Variants in MTUS2 observed in about 807,000 individuals in gnomAD.
The protein encoded by MTUS2 is microtubule-associated tumor suppressor candidate 2.
Under a neutral mutation model 114.1 loss-of-function variants are expected in MTUS2, and 40 were observed. The ratio of observed to expected loss-of-function variants is 0.35; its 90% CI spans 0.27 to 0.46. The LOEUF (loss-of-function observed/expected upper bound fraction) is 0.46. Among genes scored for constraint, MTUS2 ranks in the 20% least tolerant of loss-of-function variants. The probability of loss-of-function intolerance (pLI) is 1.00; values close to 1 mark genes in which losing one functional copy is unlikely to be tolerated. For synonymous variants in MTUS2, 688 were observed against 672.0 expected (o/e 1.02, Z -0.37); for missense variants, 1,679 against 1,705.4 (o/e 0.98, Z 0.27).
At chr13:29,358,705 C>T (rs1408421405) in intron 7 of MTUS2, among the ~76,000 whole-genome samples, 1 of 152,114 alleles carries the variant, frequency 6.6e-6, no homozygotes, top group Non-Finnish European at 1.5e-5. Flanking sequence ...TTGCAGGAGA[C>T]CTCACAATAC....
At chr13:28,990,542 C>T (rs1884788993) in intron 2 of MTUS2, among the ~76,000 whole-genome samples, 1 of 152,002 alleles carries the variant, frequency 6.6e-6, no homozygotes, top group Non-Finnish European at 1.5e-5. Context: ...CAATCTGTGT[C>T]TAGCTAAAGG....
intron 2 of MTUS2, among the ~76,000 whole-genome samples, chr13:28,943,552 G>A (rs1369718872): frequency 6.6e-6 from 1 of 152,188 alleles, no homozygotes; most frequent in African/African-American, 2.4e-5. Flanking sequence ...AACTGTTTCT[G>A]GACATTGTTG....
In MTUS2 at chr13:29,365,510, T is replaced by TTGTGTGTGTGTGTG. The variant is rs56164752; in HGVS notation, c.3117+6043_3117+6056dup. Among the ~76,000 whole-genome samples, 1,137 of 146,896 alleles carry TTGTGTGTGTGTGTG rather than the reference T, an allele frequency of 7.7e-3. 6 individuals carry two copies. Among genetic ancestry groups the TTGTGTGTGTGTGTG allele is most frequent in the East Asian group, 0.017 (86 of 4,926 alleles). On this transcript the variant is annotated intron_variant, in intron 8 of 15. Coordinates refer to ENST00000612955, the MANE Select transcript of MTUS2 (RefSeq NM_001033602.4). The stretch of plus-strand genomic sequence containing the variant: ...CATCAATACGTTTTTTTGTTTGGGT[T>TTGTGTGTGTGTGTG]TGTGTGTGTGTGTGTGTGTAATTAA...
chr13:29,154,742 A>G (rs1428229600), intron 5 of MTUS2, among the ~76,000 whole-genome samples: 1 of 152,234 alleles, frequency 6.6e-6, no homozygotes, highest in Non-Finnish European at 1.5e-5. Flanking sequence ...ATTATTTCAT[A>G]TGGCTAAGCT....
chr13:29,498,624 G>C (rs989870276), intron 14 of MTUS2, 87 bp downstream of exon 14: 1 of 1,567,174 alleles, frequency 6.4e-7, no homozygotes, highest in Non-Finnish European at 8.7e-7. Flanking sequence ...GTTCAGCCAG[G>C]TGTGTCCCTT....
intron 2 of MTUS2, among the ~76,000 whole-genome samples, chr13:28,959,316 T>C (rs642014): frequency 0.79 from 119,385 of 152,040 alleles, 47,972 homozygotes; most frequent in East Asian, 1. Context: ...TCTTCTGAGA[T>C]TGTAATGACC....
chr13:28,821,575 GT>G (rs1873905528), intron 1 of MTUS2, among the ~76,000 whole-genome samples: 2 of 152,124 alleles, frequency 1.3e-5, no homozygotes, highest in Admixed American at 6.5e-5. Context: ...AAATACAAAA[GT>G]AGAAAACATC....
At chr13:28,877,284 C>T (rs1878001559) in intron 2 of MTUS2, among the ~76,000 whole-genome samples, 1 of 149,738 alleles carries the variant, frequency 6.7e-6, no homozygotes, top group Non-Finnish European at 1.5e-5. Flanking sequence ...TGCCACTGCA[C>T]TCCAGCCTGG....
intron 2 of MTUS2, among the ~76,000 whole-genome samples, chr13:29,023,177 G>T (rs745814236): frequency 6.6e-6 from 1 of 152,096 alleles, no homozygotes; most frequent in Non-Finnish European, 1.5e-5. Context: ...AAGAGTATGC[G>T]CAAAGGCCCT....
chr13:29,115,104 A>G (rs1268965106), intron 5 of MTUS2, among the ~76,000 whole-genome samples: 1 of 152,220 alleles, frequency 6.6e-6, no homozygotes. Flanking sequence ...GATTTTTTTT[A>G]TCTGCTGGCA....
intron 3 of MTUS2, among the ~76,000 whole-genome samples, chr13:29,030,737 T>A (rs1205206608): frequency 1.3e-5 from 2 of 152,122 alleles, no homozygotes; most frequent in Non-Finnish European, 2.9e-5. Context: ...GATTTTTTTT[T>A]AAATAAAATG....
At chr13:29,054,658 A>G (rs1888048965) in intron 4 of MTUS2, among the ~76,000 whole-genome samples, 3 of 152,142 alleles carry the variant, frequency 2.0e-5, no homozygotes, top group African/African-American at 7.2e-5. Context: ...GGTAACTTTT[A>G]TGACACCTGA....
chr13:29,337,605 ATT>A (rs200669729), intron 7 of MTUS2, among the ~76,000 whole-genome samples: 27,643 of 144,898 alleles, frequency 0.19, 2,671 homozygotes, highest in Middle Eastern at 0.22. Context: ...TTATTTTTCT[ATT>A]TTTTTTTTTT....
chr13:29,246,334 A>G (rs1896924793), intron 5 of MTUS2, among the ~76,000 whole-genome samples: 1 of 152,158 alleles, frequency 6.6e-6, no homozygotes, highest in Non-Finnish European at 1.5e-5. Context: ...GCAGACCTAG[A>G]CCATTCGGAT....
At chr13:28,960,921 G>A (rs763155632) in intron 2 of MTUS2, among the ~76,000 whole-genome samples, 1 of 151,756 alleles carries the variant, frequency 6.6e-6, no homozygotes, top group Non-Finnish European at 1.5e-5. Flanking sequence ...TGAAAAAAAC[G>A]AAAGTCTCCA....
rs748741845 is a variant in MTUS2, at chr13:29,359,241, GT to G, written c.2906-18del. 1.5e-5 allele frequency: 24 copies of G among 1,572,092 alleles called. No individual in the cohort carries two copies. The highest frequency in any genetic ancestry group is 1.0e-5 in the Non-Finnish European group (12 of 1,157,852). On this transcript the variant is annotated intron_variant, in intron 7 of 15. Coordinates refer to ENST00000612955, the MANE Select transcript of MTUS2 (RefSeq NM_001033602.4). ...GAGTGTTTTTTCACAGGTGACCGGG[GT>G]TTGGTTTTCTTTCTCACAGGATACC...
At chr13:29,256,101 A>C (rs1163105170) in intron 5 of MTUS2, among the ~76,000 whole-genome samples, 1 of 152,238 alleles carries the variant, frequency 6.6e-6, no homozygotes, top group African/African-American at 2.4e-5. Context: ...GCGGTATGAC[A>C]GTGGCGTCAT....
intron 5 of MTUS2, among the ~76,000 whole-genome samples, chr13:29,223,654 C>T (rs1895994845): frequency 3.9e-5 from 6 of 152,224 alleles, no homozygotes; most frequent in Admixed American, 3.3e-4. Flanking sequence ...GGGACAAGAA[C>T]TTGGGACCCA....
chr13:28,922,973 C>T (rs865849739), intron 2 of MTUS2, among the ~76,000 whole-genome samples: 3 of 152,286 alleles, frequency 2.0e-5, no homozygotes, highest in South Asian at 2.1e-4. Flanking sequence ...GAAACTCCAG[C>T]GATACAAATG....
Sources: gnomAD v4.1 joint callset for allele counts (sites outside exome capture counted in the v4.1 genomes callset) on GRCh38, gnomAD v4.1.1 for gene constraint, MANE v1.5 for transcripts, NCBI Gene and HGNC (gene_info 2026-07-23, HGNC 2026-07-21) for gene names.